P4HA1: variants seen among roughly 807,000 people sequenced by gnomAD.
P4HA1 encodes prolyl 4-hydroxylase subunit alpha 1.
A neutral mutation model predicts 72.8 loss-of-function variants in P4HA1; 24 were observed. That is an observed-to-expected ratio of 0.33 (90% CI 0.24 to 0.46). The LOEUF (loss-of-function observed/expected upper bound fraction) is 0.46, where lower values mean the gene tolerates loss of function less well. P4HA1 is among the 20% of genes least tolerant of loss of function. The pLI, the probability that P4HA1 is intolerant of heterozygous loss-of-function variation, is 1.00. For synonymous variants in P4HA1, 201 were observed against 218.8 expected, an observed-to-expected ratio of 0.92 and a Z score of 0.72; for missense variants, 446 against 640.6, an observed-to-expected ratio of 0.70 and a Z score of 3.28.
At chr10:73,070,929 C>T (rs116677588) in intron 4 of P4HA1, among the ~76,000 whole-genome samples, 101 of 152,144 alleles carry the variant, frequency 6.6e-4, no homozygotes, top group African/African-American at 2.2e-3. Flanking sequence ...GCGTGTAATC[C>T]CTAGCGCTGT....
intron 5 of P4HA1, among the ~76,000 whole-genome samples, chr10:73,061,883 G>A (rs528970795): frequency 6.6e-6 from 1 of 152,284 alleles, no homozygotes; most frequent in South Asian, 2.1e-4. Context: ...GCCAGGTGTG[G>A]TGGCACGCAC....
At chr10:73,035,517 T>TA (rs1465819294) in intron 9 of P4HA1, among the ~76,000 whole-genome samples, 1 of 152,016 alleles carries the variant, frequency 6.6e-6, no homozygotes, top group Non-Finnish European at 1.5e-5. Context: ...CCTCATCTCT[T>TA]AAAAAAACAA....
rs377410536 is a variant in P4HA1, at chr10:73,033,286, C to A, written c.1149-2916G>T. Among the ~76,000 whole-genome samples, 69 of 152,304 alleles carry A rather than the reference C, an allele frequency of 4.5e-4. 1 individual carries two copies. The South Asian group carries it at 0.012, about 26-fold the overall frequency. On this transcript the variant is annotated intron_variant, in intron 9 of 14. Transcript: ENST00000394890. ...AACTGTTCCTATTCCATCCTGGAAC[C>A]TATCACCCACAGAGAACGTGTCTTC...
At chr10:73,094,837 A>T (rs998651897) in intron 1 of P4HA1, among the ~76,000 whole-genome samples, 2 of 152,144 alleles carry the variant, frequency 1.3e-5, no homozygotes, top group African/African-American at 4.8e-5. Context: ...TTTTGCACTA[A>T]TTTTTTTGGC....
chr10:73,020,317 T>C (rs536298131), intron 10 of P4HA1, among the ~76,000 whole-genome samples: 1 of 152,182 alleles, frequency 6.6e-6, no homozygotes, highest in South Asian at 2.1e-4. Flanking sequence ...GATAAATTCC[T>C]GGAAACACAC....
rs920360586 is a variant in P4HA1 at position 73,059,424 on chromosome 10, T to TAA, written c.464-5836_464-5835dup. 4.6e-3 allele frequency among the ~76,000 whole-genome samples: 112 copies of TAA among 24,174 alleles called. 28 individuals carry two copies. Among genetic ancestry groups the TAA allele is most frequent in the African/African-American group, 5.7e-3 (51 of 9,026 alleles). The allele number at this position is 24,174 out of a possible 152,430, so 15.9% of individuals were successfully genotyped here. A position where few individuals can be genotyped will look rare whatever the true frequency, so the allele number is the denominator to read the frequency against. On this transcript the variant is annotated intron_variant, in intron 5 of 14. Coordinates refer to ENST00000394890, the MANE Select transcript of P4HA1 (RefSeq NM_001017962.3). The stretch of plus-strand genomic sequence containing the variant: ...GGGCAAAATAATGAGACAATATATT[T>TAA]AAAAAAAAAAAAAAAAAAAAAAAAA...
At chr10:73,053,690 A>G in intron 5 of P4HA1, 100 bp from the exon 6 acceptor site, 1 of 1,031,618 alleles carries the variant, frequency 9.7e-7, no homozygotes, top group Non-Finnish European at 1.4e-6. Context: ...TTCTATTTGA[A>G]GTTCACAATA....
At chr10:73,020,834 C>CA (rs930677939) in intron 10 of P4HA1, among the ~76,000 whole-genome samples, 1 of 152,084 alleles carries the variant, frequency 6.6e-6, no homozygotes, top group Non-Finnish European at 1.5e-5. Flanking sequence ...AAAAAGCTTT[C>CA]AAAAAAATTC....
At chr10:73,071,087 G>A (rs1051355029) in intron 4 of P4HA1, among the ~76,000 whole-genome samples, 2 of 151,816 alleles carry the variant, frequency 1.3e-5, no homozygotes, top group African/African-American at 2.4e-5. Context: ...TGAGGAGGCT[G>A]AGGTGGGAGG....
chr10:73,017,702 C>T (rs1387357004), intron 10 of P4HA1, among the ~76,000 whole-genome samples: 1 of 152,176 alleles, frequency 6.6e-6, no homozygotes, highest in Admixed American at 6.5e-5. Flanking sequence ...AGGGCCCTAA[C>T]AACTTCAGTT....
chr10:73,045,084 C>T lies in P4HA1; in HGVS notation c.1078-33G>A, dbSNP rs571328930. ...GCCAACCATCAAAATAGTTGCATTA[C>T]AAAACAAAAAACTGAATCACATTTA... On this transcript the variant is annotated intron_variant, in intron 8 of 14. Transcript: ENST00000394890. 9 of 1,581,656 alleles carry T rather than the reference C, an allele frequency of 5.7e-6. No homozygotes were observed. The East Asian group carries it at 2.0e-4, about 35-fold the overall frequency.
intron 9 of P4HA1, among the ~76,000 whole-genome samples, chr10:73,039,520 A>T (rs1205543630): frequency 6.6e-6 from 1 of 151,774 alleles, no homozygotes; most frequent in African/African-American, 2.4e-5. Context: ...TGTTAGCCAG[A>T]ACGGTCTCGA....
chr10:73,013,933 A>G (rs1431384527), intron 12 of P4HA1, among the ~76,000 whole-genome samples: 1 of 152,188 alleles, frequency 6.6e-6, no homozygotes, highest in Non-Finnish European at 1.5e-5. Context: ...AGATTTTTAT[A>G]TACACATATT....
Position 73,066,731 on chromosome 10 carries a change from G to C in P4HA1, c.463+2115C>G, listed in dbSNP as rs145237258. 4.2e-3 allele frequency among the ~76,000 whole-genome samples: 639 copies of C among 152,066 alleles called. 4 individuals carry two copies. Among genetic ancestry groups the C allele is most frequent in the African/African-American group, 0.014 (597 of 41,482 alleles). On this transcript the variant is annotated intron_variant, in intron 5 of 14. Coordinates refer to ENST00000394890, the MANE Select transcript of P4HA1 (RefSeq NM_001017962.3). ...CAAGGTGGAGATAACTGCATCATGG[G>C]GGCAGTTCCCCCATGCTGTTCTTGT...
At chr10:73,056,138 G>C (rs897870338) in intron 5 of P4HA1, among the ~76,000 whole-genome samples, 3 of 152,090 alleles carry the variant, frequency 2.0e-5, no homozygotes, top group Non-Finnish European at 4.4e-5. Context: ...TAGTACTAGG[G>C]GTTGGGGACC....
Position 73,045,055 on chromosome 10 carries a change from T to C in P4HA1, c.1078-4A>G. The C allele has an allele frequency of 6.2e-7, 1 of 1,612,562 alleles. No individual in the cohort carries two copies. Among genetic ancestry groups the C allele is most frequent in the South Asian group, 1.1e-5 (1 of 90,946 alleles). ...TTGAAATGGTGGCTCGCCTCAGCTG[T>C]GAAGCCAACCATCAAAATAGTTGCA... On this transcript the variant is annotated splice_region_variant and splice_polypyrimidine_tract_variant and intron_variant, in intron 8 of 14. Transcript: ENST00000394890.
At chr10:73,049,815 G>A (rs1400393174) in intron 7 of P4HA1, among the ~76,000 whole-genome samples, 1 of 152,154 alleles carries the variant, frequency 6.6e-6, no homozygotes, top group African/African-American at 2.4e-5. Flanking sequence ...TTATTGTATA[G>A]ATGAATCTGT....
intron 10 of P4HA1, among the ~76,000 whole-genome samples, chr10:73,026,832 C>A (rs1361585205): frequency 6.6e-6 from 1 of 152,158 alleles, no homozygotes; most frequent in Non-Finnish European, 1.5e-5. Context: ...ATGCAGCCAA[C>A]AGGCACATGA....
At chr10:73,016,144 C>T (rs1163178621) in intron 11 of P4HA1, among the ~76,000 whole-genome samples, 10 of 152,130 alleles carry the variant, frequency 6.6e-5, no homozygotes, top group African/African-American at 2.4e-4. Context: ...CCCGTCCTTG[C>T]CATGTGATCA....
Sources: allele counts gnomAD v4.1 joint callset (sites outside exome capture counted in the v4.1 genomes callset), GRCh38; gene constraint gnomAD v4.1.1; transcripts MANE v1.5; gene names NCBI Gene and HGNC (gene_info 2026-07-23, HGNC 2026-07-21).